The following CDKAL1 variants were observed in gnomAD, a reference collection of about 807,000 sequenced individuals.
The protein encoded by CDKAL1 is CDKAL1 threonylcarbamoyladenosine tRNA methylthiotransferase, also known as threonylcarbamoyladenosine tRNA methylthiotransferase.
In CDKAL1, 32 loss-of-function variants were observed where a neutral mutation model predicts 68.2. The ratio of observed to expected loss-of-function variants is 0.47; its 90% CI spans 0.35 to 0.63. The LOEUF is 0.63. Ranked by LOEUF, CDKAL1 falls within the 30% of genes least tolerant of loss-of-function variation. CDKAL1 has a pLI of 0.00. For missense variants in CDKAL1, 606 were observed against 696.7 expected, an observed-to-expected ratio of 0.87 and a Z score of 1.47; for synonymous variants, 234 against 244.3, an observed-to-expected ratio of 0.96 and a Z score of 0.39.
intron 4 of CDKAL1, among the ~76,000 whole-genome samples, chr6:20,647,325 C>T (rs769249428): frequency 3.3e-5 from 5 of 152,164 alleles, no homozygotes; most frequent in East Asian, 3.9e-4. Context: ...TCATTTCTAA[C>T]GATCACTATG....
intron 9 of CDKAL1, among the ~76,000 whole-genome samples, chr6:20,933,924 C>CTT (rs398065625): frequency 9.5e-4 from 137 of 144,776 alleles, no homozygotes; most frequent in Middle Eastern, 3.6e-3. Flanking sequence ...ATTGTTTAAT[C>CTT]TTTTTTTTTT....
chr6:20,569,598 C>G (rs1764615144), intron 4 of CDKAL1, among the ~76,000 whole-genome samples: 1 of 152,170 alleles, frequency 6.6e-6, no homozygotes. Flanking sequence ...ATGCTTAATT[C>G]AGGTGCTATG....
intron 9 of CDKAL1, among the ~76,000 whole-genome samples, chr6:20,948,061 T>C (rs554734171): frequency 3.4e-5 from 5 of 148,872 alleles, no homozygotes; most frequent in Non-Finnish European, 7.4e-5. Flanking sequence ...TCTGTTGCCC[T>C]GGCTCTAGTG....
intron 4 of CDKAL1, among the ~76,000 whole-genome samples, chr6:20,641,380 G>C (rs1392259681): frequency 6.6e-6 from 1 of 151,822 alleles, no homozygotes; most frequent in Non-Finnish European, 1.5e-5. Context: ...TCCCTTCTCA[G>C]GATTAAGCAT....
intron 9 of CDKAL1, among the ~76,000 whole-genome samples, chr6:20,854,568 T>G (rs1415248983): frequency 6.6e-6 from 1 of 152,232 alleles, no homozygotes; most frequent in Non-Finnish European, 1.5e-5. Context: ...AGAGGTTTGC[T>G]GATAATGGGG....
At chr6:20,706,640 G>A (rs984104931) in intron 5 of CDKAL1, among the ~76,000 whole-genome samples, 3 of 152,150 alleles carry the variant, frequency 2.0e-5, no homozygotes, top group African/African-American at 7.2e-5. Flanking sequence ...ATATATCTGT[G>A]TCTATCTGTA....
intron 9 of CDKAL1, among the ~76,000 whole-genome samples, chr6:20,898,005 A>G (rs1761780491): frequency 6.6e-6 from 1 of 152,192 alleles, no homozygotes; most frequent in Non-Finnish European, 1.5e-5. Context: ...GGAGAAAACC[A>G]TGAAAATGTT....
intron 13 of CDKAL1, among the ~76,000 whole-genome samples, chr6:21,177,989 G>A (rs1318958722): frequency 6.6e-6 from 1 of 152,084 alleles, no homozygotes; most frequent in Non-Finnish European, 1.5e-5. Context: ...AAACTAAACA[G>A]CTTGTCCAAA....
At chr6:20,889,337 T>C (rs184639563) in intron 9 of CDKAL1, among the ~76,000 whole-genome samples, 33 of 152,320 alleles carry the variant, frequency 2.2e-4, no homozygotes, top group African/African-American at 7.5e-4. Flanking sequence ...TTCACTCTGA[T>C]GGTAGTTTCT....
At chr6:20,647,328 T>C (rs1768520611) in intron 4 of CDKAL1, among the ~76,000 whole-genome samples, 1 of 152,194 alleles carries the variant, frequency 6.6e-6, no homozygotes, top group African/African-American at 2.4e-5. Context: ...TTTCTAACGA[T>C]CACTATGGCC....
chr6:20,990,399 A>T (rs1167291584), intron 10 of CDKAL1, among the ~76,000 whole-genome samples: 8 of 152,218 alleles, frequency 5.3e-5, no homozygotes, highest in Non-Finnish European at 1.5e-5. Context: ...TGACACTAAG[A>T]TGAATTGGTA....
intron 2 of CDKAL1, among the ~76,000 whole-genome samples, chr6:20,541,690 C>T (rs998768239): frequency 1.1e-4 from 17 of 151,508 alleles, no homozygotes; most frequent in African/African-American, 4.1e-4. Flanking sequence ...GACAGAGTTT[C>T]GCTCTTGTTG....
At chr6:21,114,712 C>A (rs1027364971) in intron 13 of CDKAL1, among the ~76,000 whole-genome samples, 3 of 151,864 alleles carry the variant, frequency 2.0e-5, no homozygotes, top group African/African-American at 4.8e-5. Flanking sequence ...GCACTCTAGC[C>A]TCAATGACAG....
chr6:21,031,246 A>G (rs1343579077), intron 11 of CDKAL1, among the ~76,000 whole-genome samples: 1 of 150,518 alleles, frequency 6.6e-6, no homozygotes, highest in Non-Finnish European at 1.5e-5. Flanking sequence ...GCCCATTCCC[A>G]TGTGACCCCC....
In CDKAL1 at chr6:21,064,464, T is replaced by G. The variant is rs371983581; in HGVS notation, c.1056-584T>G. 1.3e-4 allele frequency among the ~76,000 whole-genome samples: 20 copies of G among 152,358 alleles called. 1 individual carries two copies. Among genetic ancestry groups the G allele is most frequent in the African/African-American group, 3.1e-4 (13 of 41,594 alleles). Reference sequence around the variant, plus strand: ...AAAGGTTTAGAAAACAGTATTGATTTTTGATAGCCCTAATGGAGTCTGGAA... The same window carrying G: ...AAAGGTTTAGAAAACAGTATTGATTGTTGATAGCCCTAATGGAGTCTGGAA... On this transcript the variant is annotated intron_variant, in intron 11 of 15. Transcript: ENST00000274695.
In CDKAL1 at chr6:20,676,698, T is replaced by TAAATAAATA. The variant is rs1554175381; in HGVS notation, c.371+27328_371+27329insTAAAATAAA. Reference sequence around the variant, plus strand: ...ATAAATAAATAAATAAATAAATAAATAAATAAAATAAAATAAAATAAAAAA... The same window carrying TAAATAAATA: ...ATAAATAAATAAATAAATAAATAAATAAATAAATAAAATAAAATAAAATAAAATAAAAAA... On this transcript the variant is annotated intron_variant, in intron 5 of 15. Transcript: ENST00000274695. 1.7e-3 allele frequency among the ~76,000 whole-genome samples: 141 copies of TAAATAAATA among 80,754 alleles called. 1 individual carries two copies. The highest frequency in any genetic ancestry group is 6.5e-3 in the Middle Eastern group (1 of 154). 53.0% of individuals were successfully genotyped at this position (80,754 alleles called of 152,430 possible). A position where few individuals can be genotyped will look rare whatever the true frequency, so the allele number is the denominator to read the frequency against.
chr6:20,701,873 A>C (rs539300733), intron 5 of CDKAL1, among the ~76,000 whole-genome samples: 2 of 152,234 alleles, frequency 1.3e-5, no homozygotes, highest in South Asian at 4.2e-4. Flanking sequence ...TTCTTGAAGG[A>C]TAAGAGATTG....
intron 9 of CDKAL1, among the ~76,000 whole-genome samples, chr6:20,850,366 G>A (rs1427244621): frequency 6.6e-6 from 1 of 151,944 alleles, no homozygotes; most frequent in East Asian, 1.9e-4. Context: ...TGTGGAATGA[G>A]GATTAGAACC....
In CDKAL1 at chr6:20,758,506, A is replaced by G. The variant is rs1285891008; in HGVS notation, c.469-89A>G. The G allele has an allele frequency of 3.9e-5, 41 of 1,039,980 alleles. 1 individual carries two copies. The highest frequency in any genetic ancestry group is 4.2e-5 in the Non-Finnish European group (29 of 690,704). The allele number at this position is 1,039,980 out of a possible 1,614,324, so 64.4% of individuals were successfully genotyped here. On this transcript the variant is annotated intron_variant, in intron 6 of 15. Coordinates refer to ENST00000274695, the MANE Select transcript of CDKAL1 (RefSeq NM_017774.3). The stretch of plus-strand genomic sequence containing the variant: ...AAACCTGCATTGATGTGCTTAGAAA[A>G]TGTGTAACATTGACTCAAGCATAAG...
Sources: allele counts gnomAD v4.1 joint callset (sites outside exome capture counted in the v4.1 genomes callset), GRCh38; gene constraint gnomAD v4.1.1; transcripts MANE v1.5; gene names NCBI Gene and HGNC (gene_info 2026-07-23, HGNC 2026-07-21).